Variants in CFDP1 observed in about 807,000 individuals in gnomAD.
CFDP1 encodes heterochromatin-stabilizing protein CFDP1.
CFDP1 carries 31 observed loss-of-function variants against 40.1 expected under a neutral mutation model. The ratio of observed to expected loss-of-function variants is 0.77; its 90% CI spans 0.58 to 1.04. The LOEUF (loss-of-function observed/expected upper bound fraction) is 1.04, where lower values mean the gene tolerates loss of function less well. CFDP1 is among the 50% of genes least tolerant of loss of function. The probability of loss-of-function intolerance (pLI) is 0.00; values close to 1 mark genes in which losing one functional copy is unlikely to be tolerated. For missense variants in CFDP1, 423 were observed against 343.4 expected (o/e 1.23, Z -1.83); for synonymous variants, 167 against 120.0 (o/e 1.39, Z -2.56).
chr16:75,388,987 T>C (rs1451966407), intron 5 of CFDP1, among the ~76,000 whole-genome samples: 1 of 152,142 alleles, frequency 6.6e-6, no homozygotes, highest in East Asian at 1.9e-4. Context: ...AAATGATGTC[T>C]TTCCCTCTTA....
At chr16:75,327,598 G>A (rs2078411963) in intron 5 of CFDP1, among the ~76,000 whole-genome samples, 1 of 152,092 alleles carries the variant, frequency 6.6e-6, no homozygotes, top group South Asian at 2.1e-4. Context: ...AAAAAAAATT[G>A]TGATGGGGAC....
chr16:75,419,569 C>T (rs1597401420), intron 1 of CFDP1, among the ~76,000 whole-genome samples: 2 of 152,152 alleles, frequency 1.3e-5, no homozygotes, highest in South Asian at 2.1e-4. Flanking sequence ...TCCTGAATAG[C>T]GACTGGGTAA....
chr16:75,405,949 T>A (rs2079095624), intron 4 of CFDP1, among the ~76,000 whole-genome samples: 2 of 148,230 alleles, frequency 1.3e-5, no homozygotes, highest in Admixed American at 6.7e-5. Context: ...AAAAAAAAAA[T>A]TTATGTAGAT....
rs185412081 is a variant in CFDP1, at chr16:75,318,529, C to T, written c.651-13347G>A. ...CACGCCATTCTCCTGCCTCAGCCTC[C>T]CCAGCAGCTGGGACTACAGGTGCAT... On this transcript the variant is annotated intron_variant, in intron 5 of 6. Transcript: ENST00000283882. Among the ~76,000 whole-genome samples the T allele has an allele frequency of 1.7e-3, 258 of 152,040 alleles. 1 individual carries two copies. Among genetic ancestry groups the T allele is most frequent in the Middle Eastern group, 0.01 (3 of 294 alleles).
chr16:75,403,336 A>C (rs907514047), intron 4 of CFDP1, among the ~76,000 whole-genome samples: 9 of 152,154 alleles, frequency 5.9e-5, no homozygotes, highest in Non-Finnish European at 1.2e-4. Flanking sequence ...CTCCTACTTC[A>C]GCCTCCTGAG....
intron 5 of CFDP1, among the ~76,000 whole-genome samples, chr16:75,323,164 A>G (rs572902340): frequency 5.3e-5 from 8 of 151,658 alleles, no homozygotes; most frequent in African/African-American, 1.7e-4. Flanking sequence ...CTTTCTTTAT[A>G]CCCTGTTTCT....
At chr16:75,379,487 A>T (rs982908433) in intron 5 of CFDP1, among the ~76,000 whole-genome samples, 1 of 152,228 alleles carries the variant, frequency 6.6e-6, no homozygotes, top group South Asian at 2.1e-4. Flanking sequence ...CTCAAAAAAG[A>T]CAAACCACAA....
At chr16:75,431,693 C>T (rs2151610369) in intron 1 of CFDP1, among the ~76,000 whole-genome samples, 2 of 152,118 alleles carry the variant, frequency 1.3e-5, no homozygotes, top group Middle Eastern at 6.8e-3. Context: ...ACAGGTTCAA[C>T]GGCAGACTAC....
rs77911549 is a variant in CFDP1 at position 75,308,025 on chromosome 16, C to T, written c.651-2843G>A. Among the ~76,000 whole-genome samples, 367 of 152,336 alleles carry T rather than the reference C, an allele frequency of 2.4e-3. 3 individuals are homozygous for T. Among genetic ancestry groups the T allele is most frequent in the African/African-American group, 8.6e-3 (358 of 41,588 alleles). Reference sequence around the variant, plus strand: ...TCAGCTGCAGCTGCACTAGATGGTTCTGGGCAAGTGCAGACTCACTGTTGA... The same window carrying T: ...TCAGCTGCAGCTGCACTAGATGGTTTTGGGCAAGTGCAGACTCACTGTTGA... On this transcript the variant is annotated intron_variant, in intron 5 of 6. Coordinates refer to ENST00000283882, the MANE Select transcript of CFDP1 (RefSeq NM_006324.3).
At chr16:75,414,884 G>A (rs2079191381) in intron 1 of CFDP1, among the ~76,000 whole-genome samples, 189 bp from the exon 2 acceptor site, 2 of 151,840 alleles carry the variant, frequency 1.3e-5, no homozygotes, top group Non-Finnish European at 2.9e-5. Flanking sequence ...ACTACCCTAC[G>A]TTCTTCTATC....
At chr16:75,330,824 C>T (rs2078440482) in intron 5 of CFDP1, among the ~76,000 whole-genome samples, 1 of 152,146 alleles carries the variant, frequency 6.6e-6, no homozygotes, top group South Asian at 2.1e-4. Flanking sequence ...GAATGTCTTT[C>T]ATTTTACTAA....
intron 5 of CFDP1, among the ~76,000 whole-genome samples, chr16:75,369,448 C>G (rs1243616255): frequency 1.3e-5 from 2 of 151,988 alleles, no homozygotes; most frequent in African/African-American, 4.8e-5. Context: ...CACTGCTATA[C>G]AGAATTCTAG....
intron 4 of CFDP1, among the ~76,000 whole-genome samples, chr16:75,407,274 G>A (rs1276724729): frequency 1.3e-5 from 2 of 152,048 alleles, no homozygotes; most frequent in Non-Finnish European, 2.9e-5. Context: ...TTTTTCAGTA[G>A]CAAATAAATT....
rs79689848 is a variant in CFDP1 at position 75,431,047 on chromosome 16, C to T, written c.64+2242G>A. 1.5e-3 allele frequency among the ~76,000 whole-genome samples: 227 copies of T among 151,564 alleles called. 1 individual carries two copies. Among genetic ancestry groups the T allele is most frequent in the African/African-American group, 5.4e-3 (223 of 41,292 alleles). On this transcript the variant is annotated intron_variant, in intron 1 of 6. Coordinates refer to ENST00000283882, the MANE Select transcript of CFDP1 (RefSeq NM_006324.3). ...AAGTACATAGACAGCTAAGTAGCAA[C>T]AAAAAATGGCAATTATTAGCACCAG...
At chr16:75,362,439 TC>T (rs1338905278) in intron 5 of CFDP1, among the ~76,000 whole-genome samples, 1 of 152,252 alleles carries the variant, frequency 6.6e-6, no homozygotes, top group Non-Finnish European at 1.5e-5. Context: ...TTCTGGGTTT[TC>T]CTGGACAGTC....
intron 1 of CFDP1, among the ~76,000 whole-genome samples, chr16:75,433,065 C>T (rs1000016793): frequency 6.6e-6 from 1 of 152,212 alleles, no homozygotes; most frequent in Non-Finnish European, 1.5e-5. Context: ...CAAGAGGGGG[C>T]GGCGGCCGGA....
At chr16:75,352,789 A>G (rs1395920037) in intron 5 of CFDP1, among the ~76,000 whole-genome samples, 1 of 152,178 alleles carries the variant, frequency 6.6e-6, no homozygotes, top group Non-Finnish European at 1.5e-5. Flanking sequence ...TTTATTATAA[A>G]ATAGACTTTG....
intron 4 of CFDP1, among the ~76,000 whole-genome samples, chr16:75,404,770 C>G (rs1252032275): frequency 6.6e-6 from 1 of 150,862 alleles, no homozygotes. Flanking sequence ...GTTCTAAGTA[C>G]AAGGAGTTTA....
intron 5 of CFDP1, among the ~76,000 whole-genome samples, chr16:75,341,013 T>C (rs565047156): frequency 6.6e-6 from 1 of 152,256 alleles, no homozygotes; most frequent in East Asian, 1.9e-4. Flanking sequence ...AAAAAAATAT[T>C]TTCATGATGA....
Sources: gnomAD v4.1 joint callset for allele counts (sites outside exome capture counted in the v4.1 genomes callset) on GRCh38, gnomAD v4.1.1 for gene constraint, MANE v1.5 for transcripts, NCBI Gene and HGNC (gene_info 2026-07-23, HGNC 2026-07-21) for gene names.